Variants in PLCB4 observed in about 807,000 individuals in gnomAD.
The protein encoded by PLCB4 is 1-phosphatidylinositol 4,5-bisphosphate phosphodiesterase beta-4.
Under a neutral mutation model 178.8 loss-of-function variants are expected in PLCB4, and 77 were observed. That is an observed-to-expected ratio of 0.43 (90% CI 0.36 to 0.52). The LOEUF is 0.52. Ranked by LOEUF, PLCB4 falls within the 20% of genes least tolerant of loss-of-function variation. The pLI is 0.00. For missense variants in PLCB4, 1,024 were observed against 1,453.4 expected, an observed-to-expected ratio of 0.70 and a Z score of 4.80; for synonymous variants, 496 against 490.8, an observed-to-expected ratio of 1.01 and a Z score of -0.14.
At chr20:9,258,117 T>C (rs753585251) in intron 3 of PLCB4, among the ~76,000 whole-genome samples, 36 of 152,292 alleles carry the variant, frequency 2.4e-4, no homozygotes, top group Non-Finnish European at 4.0e-4. Flanking sequence ...GAAATAAAGA[T>C]GCGCACACAC....
intron 2 of PLCB4, among the ~76,000 whole-genome samples, chr20:9,096,979 G>T (rs149764498): frequency 6.6e-6 from 1 of 151,984 alleles, no homozygotes; most frequent in East Asian, 1.9e-4. Flanking sequence ...CTGTCACCCA[G>T]GCTGGAATGC....
chr20:9,152,153 A>G (rs568278118), intron 2 of PLCB4, among the ~76,000 whole-genome samples: 18 of 152,206 alleles, frequency 1.2e-4, no homozygotes, highest in Non-Finnish European at 2.5e-4. Context: ...GAAGCAGAGC[A>G]TAAAAGTTTG....
At chr20:9,207,289 T>G (rs1433791720) in intron 2 of PLCB4, among the ~76,000 whole-genome samples, 1 of 152,184 alleles carries the variant, frequency 6.6e-6, no homozygotes, top group East Asian at 1.9e-4. Flanking sequence ...AGAGGACTGA[T>G]TAAAGTATAG....
At chr20:9,143,254 T>C (rs567091771) in intron 2 of PLCB4, among the ~76,000 whole-genome samples, 1 of 152,272 alleles carries the variant, frequency 6.6e-6, no homozygotes, top group East Asian at 1.9e-4. Flanking sequence ...TGAAGTTCCA[T>C]GACAGCAGAG....
intron 3 of PLCB4, among the ~76,000 whole-genome samples, chr20:9,303,315 G>A (rs906546255): frequency 6.6e-6 from 1 of 152,154 alleles, no homozygotes; most frequent in Non-Finnish European, 1.5e-5. Context: ...AGAAGGCTTT[G>A]TATACTTCGA....
Position 9,476,726 on chromosome 20 carries a change from T to A in PLCB4, c.3505T>A (p.Ser1169Thr), listed in dbSNP as rs1603120560. ...LEKQNEQLLK[S>T]CHAVSQTQGE... Reference sequence around the variant, plus strand: ...ATTTTTGTACAAACAGCTTTTGAAATCCTGTCATGCAGTGTCCCAAACGCA... The same window carrying A: ...ATTTTTGTACAAACAGCTTTTGAAAACCTGTCATGCAGTGTCCCAAACGCA... Residue 1169 changes from serine to threonine, a missense_variant, in exon 39 of 40, where the codon TCC becomes ACC. Physicochemically the swap from Ser to Thr is moderately conservative, Grantham distance 58. Around this residue, in one of 7 missense-constraint regions of PLCB4, gnomAD observed 264 missense variants for 283.2 expected, o/e 0.93. Coordinates refer to ENST00000378473, the MANE Select transcript of PLCB4 (RefSeq NM_001377142.1). 1.9e-6 allele frequency: 3 copies of A among 1,609,392 alleles called. No individual in the cohort carries two copies. Among genetic ancestry groups the A allele is most frequent in the Non-Finnish European group, 2.6e-6 (3 of 1,175,914 alleles).
At chr20:9,434,601 C>G (rs778290979) in intron 28 of PLCB4, among the ~76,000 whole-genome samples, 35 of 152,250 alleles carry the variant, frequency 2.3e-4, no homozygotes, top group Non-Finnish European at 4.9e-4. Flanking sequence ...GTCTTGAACT[C>G]GTGACCTCAG....
At position 9,379,939 on chromosome 20, in the gene PLCB4, A is replaced by G. The variant is rs1056159171; in HGVS notation, c.745-115A>G. The G allele has an allele frequency of 7.0e-6, 4 of 568,108 alleles. No homozygotes were observed. In the African/African-American group the frequency reaches 7.9e-5, roughly 11 times the overall value. 35.2% of individuals were successfully genotyped at this position (568,108 alleles called of 1,614,324 possible). On this transcript the variant is annotated intron_variant, in intron 12 of 39. Transcript: ENST00000378473. Reference sequence around the variant, plus strand: ...GAAGGCAGTGAGGTCCTATCTTTGTAATTATAAACATGACAGTCTAGATAT... The same window carrying G: ...GAAGGCAGTGAGGTCCTATCTTTGTGATTATAAACATGACAGTCTAGATAT...
At chr20:9,084,382 G>A (rs921479213) in intron 1 of PLCB4, among the ~76,000 whole-genome samples, 10 of 152,152 alleles carry the variant, frequency 6.6e-5, no homozygotes, top group African/African-American at 2.4e-4. Flanking sequence ...TGCTATCAAT[G>A]TAAGTCCTGG....
intron 4 of PLCB4, among the ~76,000 whole-genome samples, chr20:9,331,594 C>CT (rs1221790548): frequency 2.0e-5 from 3 of 152,102 alleles, no homozygotes; most frequent in African/African-American, 7.2e-5. Flanking sequence ...TCTGACATTC[C>CT]TTATGAGGGG....
intron 7 of PLCB4, among the ~76,000 whole-genome samples, chr20:9,358,989 C>T (rs2035086099): frequency 6.6e-6 from 1 of 152,148 alleles, no homozygotes; most frequent in Non-Finnish European, 1.5e-5. Context: ...GTGATGTTTA[C>T]TTCTTACTGT....
chr20:9,311,279 C>T (rs2094830276), intron 4 of PLCB4, among the ~76,000 whole-genome samples: 1 of 152,142 alleles, frequency 6.6e-6, no homozygotes, highest in African/African-American at 2.4e-5. Flanking sequence ...GTTTCCAGGA[C>T]TGTTGACTAC....
intron 2 of PLCB4, among the ~76,000 whole-genome samples, chr20:9,213,966 A>G (rs1405343794): frequency 6.6e-6 from 1 of 152,158 alleles, no homozygotes; most frequent in Non-Finnish European, 1.5e-5. Context: ...TCATTTGCCC[A>G]TTTTTAAATT....
At chr20:9,314,304 G>A (rs2094873364) in intron 4 of PLCB4, among the ~76,000 whole-genome samples, 1 of 152,184 alleles carries the variant, frequency 6.6e-6, no homozygotes, top group Admixed American at 6.5e-5. Context: ...AAGTGGATGT[G>A]GCTGGATTCC....
At chr20:9,440,503 C>T (rs2042042050) in intron 30 of PLCB4, among the ~76,000 whole-genome samples, 1 of 152,208 alleles carries the variant, frequency 6.6e-6, no homozygotes, top group Admixed American at 6.5e-5. Flanking sequence ...TGCTTCATCA[C>T]AAAGTTGAAC....
intron 2 of PLCB4, among the ~76,000 whole-genome samples, chr20:9,168,568 T>C (rs2093010744): frequency 6.6e-6 from 1 of 152,218 alleles, no homozygotes; most frequent in African/African-American, 2.4e-5. Context: ...GGCCTGAGAT[T>C]CTGCATTGCT....
At chr20:9,116,650 G>T (rs2091789820) in intron 2 of PLCB4, among the ~76,000 whole-genome samples, 1 of 152,120 alleles carries the variant, frequency 6.6e-6, no homozygotes, top group African/African-American at 2.4e-5. Context: ...GTATGTGGTA[G>T]GTTGAAGTCT....
At chr20:9,468,018 C>T (rs537105321) in intron 35 of PLCB4, among the ~76,000 whole-genome samples, 5 of 152,254 alleles carry the variant, frequency 3.3e-5, no homozygotes, top group African/African-American at 1.2e-4. Context: ...CATTTAGTCC[C>T]TTTCATTCCT....
intron 4 of PLCB4, among the ~76,000 whole-genome samples, chr20:9,317,475 G>C (rs1601805562): frequency 6.6e-6 from 1 of 152,260 alleles, no homozygotes; most frequent in South Asian, 2.1e-4. Flanking sequence ...CTTCACAAAA[G>C]TAGAAGATAA....
Sources: gnomAD v4.1 joint callset for allele counts (sites outside exome capture counted in the v4.1 genomes callset) on GRCh38, gnomAD v4.1.1 for gene constraint, gnomAD v4.1.1 regional missense constraint, MANE v1.5 for transcripts, NCBI Gene and HGNC (gene_info 2026-07-23, HGNC 2026-07-21) for gene names.